The following PDE10A variants were observed in gnomAD, a reference collection of about 807,000 sequenced individuals.
PDE10A encodes cAMP and cAMP-inhibited cGMP 3',5'-cyclic phosphodiesterase 10A.
Under a neutral mutation model 97.7 loss-of-function variants are expected in PDE10A, and 39 were observed. The observed-to-expected ratio is 0.40, with a 90% CI of 0.31 to 0.52. The LOEUF (loss-of-function observed/expected upper bound fraction) is 0.52, where lower values mean the gene tolerates loss of function less well. PDE10A is among the 20% of genes least tolerant of loss of function. The pLI is 0.56. For missense variants in PDE10A, 731 were observed against 1,047.8 expected (o/e 0.70, Z 4.17); for synonymous variants, 371 against 376.8 (o/e 0.98, Z 0.18).
chr6:165,675,485 G>C (rs1790768193), intron 1 of PDE10A, among the ~76,000 whole-genome samples: 1 of 152,116 alleles, frequency 6.6e-6, no homozygotes, highest in Non-Finnish European at 1.5e-5. Flanking sequence ...ATTTTTCATA[G>C]AAGACTTGTG....
At chr6:165,815,464 T>C (rs1259643339) in intron 1 of PDE10A, among the ~76,000 whole-genome samples, 1 of 152,122 alleles carries the variant, frequency 6.6e-6, no homozygotes, top group Non-Finnish European at 1.5e-5. Flanking sequence ...GTCAACCGTG[T>C]TGATGGGGTA....
chr6:165,750,276 G>A (rs1024066188), intron 1 of PDE10A, among the ~76,000 whole-genome samples: 1 of 152,176 alleles, frequency 6.6e-6, no homozygotes, highest in African/African-American at 2.4e-5. Flanking sequence ...AGTTTCATAG[G>A]AAAATCAAAG....
intron 1 of PDE10A, among the ~76,000 whole-genome samples, chr6:165,934,801 A>C (rs1031783054): frequency 2.0e-5 from 3 of 151,178 alleles, no homozygotes; most frequent in East Asian, 3.9e-4. Context: ...ACTACTACTA[A>C]TATCTTGCTT....
chr6:165,732,480 A>G (rs543040904), intron 1 of PDE10A, among the ~76,000 whole-genome samples: 13 of 152,314 alleles, frequency 8.5e-5, no homozygotes, highest in Non-Finnish European at 1.8e-4. Context: ...GTGGCGGCAC[A>G]CAGTCGCAGG....
intron 1 of PDE10A, among the ~76,000 whole-genome samples, chr6:165,742,891 A>C (rs1792760818): frequency 6.6e-6 from 1 of 152,170 alleles, no homozygotes; most frequent in African/African-American, 2.4e-5. Flanking sequence ...CCATGGGTGA[A>C]TTAAGTGATT....
At chr6:165,518,096 A>G (rs1781919802) in intron 2 of PDE10A, among the ~76,000 whole-genome samples, 1 of 152,224 alleles carries the variant, frequency 6.6e-6, no homozygotes, top group African/African-American at 2.4e-5. Context: ...CCTGAACAAA[A>G]TATTTTGCTA....
At chr6:165,478,073 A>G (rs1208206233) in intron 3 of PDE10A, among the ~76,000 whole-genome samples, 2 of 152,112 alleles carry the variant, frequency 1.3e-5, no homozygotes, top group Non-Finnish European at 2.9e-5. Flanking sequence ...GCATATCTCT[A>G]CCTACGAACT....
At chr6:165,814,353 C>T (rs746204316) in intron 1 of PDE10A, among the ~76,000 whole-genome samples, 1 of 152,082 alleles carries the variant, frequency 6.6e-6, no homozygotes, top group South Asian at 2.1e-4. Flanking sequence ...CGATCCCAGC[C>T]CCTTGCTCCA....
At chr6:165,763,948 T>C (rs1175636551) in intron 1 of PDE10A, among the ~76,000 whole-genome samples, 1 of 152,238 alleles carries the variant, frequency 6.6e-6, no homozygotes, top group Non-Finnish European at 1.5e-5. Context: ...GTTATTATTA[T>C]CCCCATTTTG....
intron 1 of PDE10A, among the ~76,000 whole-genome samples, chr6:165,618,818 C>T (rs1303322412): frequency 2.0e-5 from 3 of 152,136 alleles, no homozygotes; most frequent in Non-Finnish European, 2.9e-5. Context: ...GAAATGTGAG[C>T]GATGAAATGT....
intron 1 of PDE10A, among the ~76,000 whole-genome samples, chr6:165,678,047 ATGTG>A (rs1313870253): frequency 1.3e-5 from 2 of 148,394 alleles, no homozygotes; most frequent in Admixed American, 6.7e-5. Flanking sequence ...GTGTTTGTAT[ATGTG>A]TGTGTTTGTG....
chr6:165,440,566 T>C (rs1790367644), intron 5 of PDE10A, among the ~76,000 whole-genome samples: 1 of 152,168 alleles, frequency 6.6e-6, no homozygotes, highest in Non-Finnish European at 1.5e-5. Context: ...CCTTTAGTTG[T>C]TGACTAGCTG....
At chr6:165,911,984 A>AATAT (rs138188072) in intron 1 of PDE10A, among the ~76,000 whole-genome samples, 2 of 148,002 alleles carry the variant, frequency 1.4e-5, no homozygotes, top group Non-Finnish European at 3.0e-5. Context: ...GGGAAGTCTA[A>AATAT]ATATATATAT....
At chr6:165,812,711 T>G (rs1583130114) in intron 1 of PDE10A, among the ~76,000 whole-genome samples, 1 of 152,224 alleles carries the variant, frequency 6.6e-6, no homozygotes, top group Non-Finnish European at 1.5e-5. Context: ...TCTCCAGATA[T>G]TACCACTTGT....
At chr6:165,439,678 A>T (rs934825212) in intron 5 of PDE10A, among the ~76,000 whole-genome samples, 1 of 152,192 alleles carries the variant, frequency 6.6e-6, no homozygotes, top group East Asian at 1.9e-4. Flanking sequence ...GTAACAGCAA[A>T]TTTTTATATC....
chr6:165,717,749 G>C (rs1792061620), intron 1 of PDE10A, among the ~76,000 whole-genome samples: 1 of 152,180 alleles, frequency 6.6e-6, no homozygotes, highest in Non-Finnish European at 1.5e-5. Context: ...ATTCCCACCA[G>C]CAATGCACAA....
chr6:165,470,377 T>C (rs1265813604), intron 3 of PDE10A, among the ~76,000 whole-genome samples: 1 of 152,256 alleles, frequency 6.6e-6, no homozygotes, highest in Non-Finnish European at 1.5e-5. Context: ...ATTATAATAT[T>C]ATGCCTTTGA....
At chr6:165,555,220 A>G (rs1316331401) in intron 1 of PDE10A, among the ~76,000 whole-genome samples, 2 of 152,200 alleles carry the variant, frequency 1.3e-5, no homozygotes, top group East Asian at 3.8e-4. Flanking sequence ...TGGATACCCC[A>G]TTCTCCATGA....
At chr6:165,549,318 GT>G (rs932344597) in intron 1 of PDE10A, among the ~76,000 whole-genome samples, 2 of 152,022 alleles carry the variant, frequency 1.3e-5, no homozygotes, top group African/African-American at 4.8e-5. Flanking sequence ...AGTTATTACG[GT>G]TTTTTCTGTT....
Sources: gnomAD v4.1 joint callset for allele counts (sites outside exome capture counted in the v4.1 genomes callset) on GRCh38, gnomAD v4.1.1 for gene constraint, MANE v1.5 for transcripts, NCBI Gene and HGNC (gene_info 2026-07-23, HGNC 2026-07-21) for gene names.